The following PDHX variants were observed in gnomAD, a reference collection of about 807,000 sequenced individuals.
PDHX encodes the protein pyruvate dehydrogenase complex component X.
PDHX carries 33 observed loss-of-function variants against 55.3 expected under a neutral mutation model. That is an observed-to-expected ratio of 0.60 (90% confidence interval 0.45 to 0.80). The LOEUF (loss-of-function observed/expected upper bound fraction) is 0.80. Ranked by LOEUF, PDHX falls within the 30% of genes least tolerant of loss-of-function variation. PDHX has a pLI of 0.00. For synonymous variants in PDHX, 226 were observed against 219.4 expected (o/e 1.03, Z -0.27); for missense variants, 622 against 619.9 (o/e 1.00, Z -0.04).
chr11:34,933,184 T>C (rs1854219404), intron 2 of PDHX, among the ~76,000 whole-genome samples: 1 of 152,204 alleles, frequency 6.6e-6, no homozygotes, highest in South Asian at 2.1e-4. Context: ...TGCACAATTT[T>C]AAAACAAAAT....
intron 4 of PDHX, among the ~76,000 whole-genome samples, chr11:34,960,122 A>G (rs978102898): frequency 2.0e-5 from 3 of 152,220 alleles, no homozygotes; most frequent in African/African-American, 7.2e-5. Flanking sequence ...AACAATTGGT[A>G]GTTGTGATGA....
rs554863924 is a variant in PDHX at position 34,975,704 on chromosome 11, A to T, written c.965-2420A>T. Among the ~76,000 whole-genome samples, 16 of 152,104 alleles carry T rather than the reference A, an allele frequency of 1.1e-4. No individual in the cohort carries two copies. The South Asian group carries it at 3.3e-3, about 32-fold the overall frequency. ...ACTTCCTGTGTTTGTCTCTCCTCTG[A>T]GTGGATTATCACTCTTTGGCATTCA... On this transcript the variant is annotated intron_variant, in intron 7 of 10. Transcript: ENST00000227868.
chr11:34,995,506 A>G lies in PDHX; in HGVS notation c.*334A>G, dbSNP rs1855841530. 1 of 336,072 alleles carries G rather than the reference A, an allele frequency of 3.0e-6. No homozygotes were observed. Among genetic ancestry groups the G allele is most frequent in the East Asian group, 7.8e-5 (1 of 12,766 alleles). 20.8% of individuals were successfully genotyped at this position (336,072 alleles called of 1,614,324 possible). On this transcript the variant is annotated 3_prime_UTR_variant, in exon 11 of 11. Coordinates refer to ENST00000227868, the MANE Select transcript of PDHX (RefSeq NM_003477.3). ...ATTTGAGCATTTTGGAATATTTGAG[A>G]ATGTATGATACATGTAAAATTAAAA...
At chr11:34,943,539 C>T (rs1189412088) in intron 2 of PDHX, among the ~76,000 whole-genome samples, 2 of 151,914 alleles carry the variant, frequency 1.3e-5, no homozygotes, top group African/African-American at 2.4e-5. Flanking sequence ...GCTTTTTTTC[C>T]CTTTTGAAGT....
Position 34,947,589 on chromosome 11 carries a change from A to T in PDHX, c.325A>T (p.Ile109Phe), listed in dbSNP as rs748447623. The T allele has an allele frequency of 1.9e-6, 3 of 1,609,376 alleles. No homozygotes were observed. Among genetic ancestry groups the T allele is most frequent in the Non-Finnish European group, 2.6e-6 (3 of 1,175,666 alleles). ...VVTLDASDDG[I>F]LAKIVVEEGS... ...TACCTTAGATGCAAGTGATGATGGAATCTTGGCCAAAATCGTGGTAAGTTT... is the reference window on the plus strand; with the variant it reads ...TACCTTAGATGCAAGTGATGATGGATTCTTGGCCAAAATCGTGGTAAGTTT... The change falls in exon 3 of 11, where the codon ATC becomes TTC. Residue 109 changes from isoleucine (I) to phenylalanine (F), a missense_variant. Coordinates refer to ENST00000227868, the MANE Select transcript of PDHX (RefSeq NM_003477.3).
intron 1 of PDHX, among the ~76,000 whole-genome samples, chr11:34,919,702 T>A (rs948414959): frequency 2.5e-4 from 38 of 152,228 alleles, no homozygotes; most frequent in Non-Finnish European, 4.4e-5. Flanking sequence ...AATCTTTAAT[T>A]TGTATCATTC....
At chr11:34,917,238 C>A (rs991851953) in intron 1 of PDHX, among the ~76,000 whole-genome samples, 1 of 152,124 alleles carries the variant, frequency 6.6e-6, no homozygotes, top group South Asian at 2.1e-4. Flanking sequence ...TTCTCTAGGC[C>A]TCTCTCTGTT....
chr11:34,977,837 T>G (rs1166214082), intron 7 of PDHX: 1 of 497,852 alleles, frequency 2.0e-6, no homozygotes, highest in South Asian at 1.5e-5. Context: ...TGATTATGCT[T>G]GTAATGGGTC....
intron 2 of PDHX, among the ~76,000 whole-genome samples, chr11:34,943,751 G>T (rs1337119039): frequency 6.6e-6 from 1 of 152,124 alleles, no homozygotes; most frequent in African/African-American, 2.4e-5. Context: ...AGGGCTATAA[G>T]TGTATTACCT....
chr11:34,965,037 A>G (rs1855102652), intron 5 of PDHX, among the ~76,000 whole-genome samples: 1 of 152,248 alleles, frequency 6.6e-6, no homozygotes, highest in South Asian at 2.1e-4. Flanking sequence ...TTATTGCATA[A>G]CAAGTTACAG....
chr11:34,978,299 T>TA, intron 8 of PDHX, 117 bp downstream of exon 8: 1 of 700,150 alleles, frequency 1.4e-6, no homozygotes, highest in Non-Finnish European at 2.6e-6. Context: ...ATTGTCTTGC[T>TA]AAAAATATCC....
intron 7 of PDHX, among the ~76,000 whole-genome samples, chr11:34,975,062 G>C (rs1855336423): frequency 6.6e-6 from 1 of 151,870 alleles, no homozygotes; most frequent in African/African-American, 2.4e-5. Context: ...AGTTAATAGG[G>C]GTTTTGTTTC....
intron 1 of PDHX, among the ~76,000 whole-genome samples, chr11:34,919,179 C>T (rs1266904117): frequency 6.6e-6 from 1 of 152,188 alleles, no homozygotes; most frequent in Admixed American, 6.5e-5. Context: ...TTCCTAATAC[C>T]GAGCCAAAAT....
At chr11:34,986,040 C>T (rs1855634855) in intron 9 of PDHX, among the ~76,000 whole-genome samples, 1 of 152,178 alleles carries the variant, frequency 6.6e-6, no homozygotes, top group Non-Finnish European at 1.5e-5. Context: ...CATGGTGGCT[C>T]ATGCCCGTAA....
intron 2 of PDHX, among the ~76,000 whole-genome samples, chr11:34,945,815 A>G (rs1408316557): frequency 2.0e-5 from 3 of 152,176 alleles, no homozygotes; most frequent in Non-Finnish European, 2.9e-5. Context: ...CCATGTTACC[A>G]CCACCTAGAT....
chr11:34,984,612 A>G lies in PDHX; in HGVS notation c.1066A>G (p.Lys356Glu), dbSNP rs1427289316. Residue 356 changes from lysine to glutamate, a missense_variant, in exon 9 of 11, where the codon AAG becomes GAG. Transcript: ENST00000227868. ...TGTAAGCTGGGATGGAGAGGGCCCAAAGCAACTGCCATTTATTGACATTTC... is the reference window on the plus strand; with the variant it reads ...TGTAAGCTGGGATGGAGAGGGCCCAGAGCAACTGCCATTTATTGACATTTC... ...VNVSWDGEGPKQLPFIDISVA... is the reference protein window; with the variant it reads ...VNVSWDGEGPEQLPFIDISVA... The G allele has an allele frequency of 6.2e-7, 1 of 1,613,922 alleles. No individual in the cohort carries two copies. Among genetic ancestry groups the G allele is most frequent in the Non-Finnish European group, 8.5e-7 (1 of 1,179,930 alleles).
At chr11:34,921,749 A>G (rs1853885486) in intron 1 of PDHX, among the ~76,000 whole-genome samples, 1 of 152,200 alleles carries the variant, frequency 6.6e-6, no homozygotes, top group African/African-American at 2.4e-5. Context: ...AGATCTTACT[A>G]CAGGCAGCAA....
At chr11:34,938,396 A>G (rs1773220220) in intron 2 of PDHX, among the ~76,000 whole-genome samples, 9 of 152,230 alleles carry the variant, frequency 5.9e-5, no homozygotes, top group Admixed American at 5.9e-4. Flanking sequence ...ATTGGAAAGC[A>G]TTTAGAGCAA....
chr11:34,972,734 CATTT>C (rs1225411646), intron 7 of PDHX, among the ~76,000 whole-genome samples: 1 of 152,102 alleles, frequency 6.6e-6, no homozygotes, highest in African/African-American at 2.4e-5. Flanking sequence ...AATGTTTTCT[CATTT>C]ATTTATTTTG....
Sources: allele counts gnomAD v4.1 joint callset (sites outside exome capture counted in the v4.1 genomes callset), GRCh38; gene constraint gnomAD v4.1.1; transcripts MANE v1.5; gene names NCBI Gene and HGNC (gene_info 2026-07-23, HGNC 2026-07-21).